The following DNAH14 variants were observed in gnomAD, a reference collection of about 807,000 sequenced individuals.
DNAH14 encodes axonemal beta dynein heavy chain 14.
DNAH14 carries 478 observed loss-of-function variants against 520.9 expected under a neutral mutation model. The observed-to-expected ratio is 0.92, with a 90% CI of 0.85 to 0.99. The LOEUF (loss-of-function observed/expected upper bound fraction) is 0.99. Among genes scored for constraint, DNAH14 ranks in the 50% least tolerant of loss-of-function variants. DNAH14 has a pLI of 0.00. For missense variants in DNAH14, 4,831 were observed against 5,234.5 expected (o/e 0.92, Z 2.38); for synonymous variants, 1,581 against 1,757.2 (o/e 0.90, Z 2.51).
At chr1:225,098,145 C>T (rs1413912631) in intron 22 of DNAH14, among the ~76,000 whole-genome samples, 1 of 151,778 alleles carries the variant, frequency 6.6e-6, no homozygotes, top group African/African-American at 2.4e-5. Context: ...TGCAATAAGC[C>T]GTGACTGCAC....
chr1:225,248,049 T>G (rs1297699416), intron 43 of DNAH14, among the ~76,000 whole-genome samples: 1 of 152,106 alleles, frequency 6.6e-6, no homozygotes, highest in African/African-American at 2.4e-5. Context: ...AGACAAATTT[T>G]TATTAGCAAC....
chr1:225,032,464 C>T (rs2066602308), intron 11 of DNAH14, among the ~76,000 whole-genome samples: 1 of 152,068 alleles, frequency 6.6e-6, no homozygotes, highest in African/African-American at 2.4e-5. Flanking sequence ...ACCACATTTT[C>T]TTTATCCAGT....
At chr1:225,230,333 A>G (rs2090979819) in intron 41 of DNAH14, among the ~76,000 whole-genome samples, 2 of 152,226 alleles carry the variant, frequency 1.3e-5, no homozygotes, top group African/African-American at 4.8e-5. Context: ...TTAGTTTTCT[A>G]TTTAGGTTCA....
At chr1:225,279,282 C>T (rs1306469803) in intron 54 of DNAH14, among the ~76,000 whole-genome samples, 1 of 152,212 alleles carries the variant, frequency 6.6e-6, no homozygotes, top group Non-Finnish European at 1.5e-5. Context: ...GCTGGGATTA[C>T]AGGTGTGAGC....
chr1:224,983,964 T>A (rs2062448071), intron 8 of DNAH14, among the ~76,000 whole-genome samples: 1 of 152,162 alleles, frequency 6.6e-6, no homozygotes, highest in Admixed American at 6.5e-5. Context: ...ATGACCATAC[T>A]GCCAAAAGCA....
chr1:225,348,059 C>G (rs958379354), intron 71 of DNAH14, among the ~76,000 whole-genome samples: 1 of 151,854 alleles, frequency 6.6e-6, no homozygotes, highest in African/African-American at 2.4e-5. Flanking sequence ...AATTCTGAAG[C>G]TGAAAAATGC....
At chr1:224,940,762 A>T (rs1314248929) in intron 1 of DNAH14, among the ~76,000 whole-genome samples, 1 of 141,576 alleles carries the variant, frequency 7.1e-6, no homozygotes, top group Non-Finnish European at 1.5e-5. Flanking sequence ...ATGAGTGAGA[A>T]CATGTGTTTA....
chr1:225,022,855 T>C lies in DNAH14; in HGVS notation c.1108-760T>C, dbSNP rs1466954047. The stretch of plus-strand genomic sequence containing the variant: ...ATGGAATCAACCTAGATGCCCATCA[T>C]TGGTGGACTGGATAAAGAAAATGTG... On this transcript the variant is annotated intron_variant, in intron 10 of 85. Transcript: ENST00000682510. Among the ~76,000 whole-genome samples, 24 of 152,150 alleles carry C rather than the reference T, an allele frequency of 1.6e-4. 1 individual carries two copies. The highest frequency in any genetic ancestry group is 1.6e-3 in the Admixed American group (24 of 15,266).
chr1:224,989,282 C>A (rs1347656891), intron 8 of DNAH14, among the ~76,000 whole-genome samples: 3 of 152,022 alleles, frequency 2.0e-5, no homozygotes, highest in African/African-American at 7.2e-5. Flanking sequence ...AAATTAATCA[C>A]CAGAAATGTT....
chr1:225,154,499 T>C (rs1056619761), intron 34 of DNAH14, among the ~76,000 whole-genome samples: 5 of 152,106 alleles, frequency 3.3e-5, no homozygotes, highest in African/African-American at 1.2e-4. Flanking sequence ...AACACTGTGG[T>C]ACTGGCTCAT....
intron 61 of DNAH14, among the ~76,000 whole-genome samples, chr1:225,319,400 G>C (rs1411157812): frequency 1.3e-5 from 2 of 152,088 alleles, no homozygotes; most frequent in Non-Finnish European, 2.9e-5. Flanking sequence ...ATAACGTCTT[G>C]GAATGTGTTG....
intron 8 of DNAH14, among the ~76,000 whole-genome samples, chr1:225,002,518 A>G (rs1445387950): frequency 6.6e-6 from 1 of 152,154 alleles, no homozygotes; most frequent in Non-Finnish European, 1.5e-5. Context: ...CAAAATTATT[A>G]GAACTCAGTG....
At chr1:224,975,547 G>A (rs1458713475) in intron 8 of DNAH14, among the ~76,000 whole-genome samples, 6 of 151,782 alleles carry the variant, frequency 4.0e-5, no homozygotes, top group Non-Finnish European at 2.9e-5. Context: ...ATGGTAGTTT[G>A]TATTTCTGTG....
intron 68 of DNAH14, among the ~76,000 whole-genome samples, chr1:225,339,615 C>T (rs1175848303): frequency 6.6e-6 from 1 of 152,088 alleles, no homozygotes; most frequent in Non-Finnish European, 1.5e-5. Flanking sequence ...GTTACATTTT[C>T]CTGAATAGAC....
At chr1:225,139,744 T>C (rs1176793763) in intron 27 of DNAH14, among the ~76,000 whole-genome samples, 1 of 152,234 alleles carries the variant, frequency 6.6e-6, no homozygotes, top group Non-Finnish European at 1.5e-5. Flanking sequence ...CTCCACCTGT[T>C]GGATGTTCTC....
intron 22 of DNAH14, 40 bp from the exon 23 acceptor site, chr1:225,100,673 C>T (rs748680027): frequency 1.4e-6 from 2 of 1,430,936 alleles, no homozygotes; most frequent in South Asian, 3.1e-5. Flanking sequence ...ATCATAGTGC[C>T]TTAAAAAAAA....
At chr1:225,158,021 A>G (rs2081200354) in intron 34 of DNAH14, among the ~76,000 whole-genome samples, 1 of 152,212 alleles carries the variant, frequency 6.6e-6, no homozygotes, top group Admixed American at 6.5e-5. Flanking sequence ...GTATATTTCA[A>G]AATAACCTGA....
At chr1:225,104,445 G>C (rs1303838379) in intron 23 of DNAH14, among the ~76,000 whole-genome samples, 1 of 152,174 alleles carries the variant, frequency 6.6e-6, no homozygotes, top group African/African-American at 2.4e-5. Context: ...GTTTGGAATT[G>C]TTTCAGAAGG....
At chr1:225,343,992 A>G (rs1480925142) in intron 69 of DNAH14, among the ~76,000 whole-genome samples, 1 of 152,198 alleles carries the variant, frequency 6.6e-6, no homozygotes, top group Non-Finnish European at 1.5e-5. Context: ...GATAAGTGAA[A>G]AGGGGTTTAA....
Sources: gnomAD v4.1 joint callset for allele counts (sites outside exome capture counted in the v4.1 genomes callset) on GRCh38, gnomAD v4.1.1 for gene constraint, MANE v1.5 for transcripts, NCBI Gene and HGNC (gene_info 2026-07-23, HGNC 2026-07-21) for gene names.